TRIOBP: variants seen among roughly 807,000 people sequenced by gnomAD.
TRIOBP encodes the protein TRIO and F-actin-binding protein.
Under a neutral mutation model 238.8 loss-of-function variants are expected in TRIOBP, and 169 were observed. The observed-to-expected ratio is 0.71, with a 90% confidence interval of 0.62 to 0.80. The LOEUF (loss-of-function observed/expected upper bound fraction) is 0.80. TRIOBP is among the 30% of genes least tolerant of loss of function. The probability of loss-of-function intolerance (pLI) is 0.00; values close to 1 mark genes in which losing one functional copy is unlikely to be tolerated. For synonymous variants in TRIOBP, 1,150 were observed against 1,274.4 expected, an observed-to-expected ratio of 0.90 and a Z score of 2.08; for missense variants, 2,838 against 3,122.6, an observed-to-expected ratio of 0.91 and a Z score of 2.17.
At chr22:37,757,454 G>T (rs1925987348) in intron 15 of TRIOBP, among the ~76,000 whole-genome samples, 159 bp from the exon 16 acceptor site, 1 of 152,046 alleles carries the variant, frequency 6.6e-6, no homozygotes, top group African/African-American at 2.4e-5. Context: ...ATGTTCCTGG[G>T]GTCTGTTAAC....
intron 6 of TRIOBP, among the ~76,000 whole-genome samples, chr22:37,717,422 G>GC (rs1923580242): frequency 6.6e-6 from 1 of 152,280 alleles, no homozygotes; most frequent in East Asian, 1.9e-4. Flanking sequence ...CTCTTGTCTG[G>GC]CCCCACCCAC....
chr22:37,743,180 C>G (rs771373094), intron 11 of TRIOBP, among the ~76,000 whole-genome samples: 3 of 152,182 alleles, frequency 2.0e-5, no homozygotes, highest in Non-Finnish European at 4.4e-5. Flanking sequence ...AAATGAAGAG[C>G]TAGGGATGGA....
chr22:37,728,685 C>T (rs1924291666), intron 7 of TRIOBP, among the ~76,000 whole-genome samples: 1 of 152,192 alleles, frequency 6.6e-6, no homozygotes, highest in South Asian at 2.1e-4. Flanking sequence ...TTTCCAGCTC[C>T]TGGCCTCAAG....
chr22:37,723,808 T>A lies in TRIOBP; in HGVS notation c.1252T>A (p.Ser418Thr). Residue 418 changes from serine (S) to threonine (T), a missense_variant, in exon 7 of 24, where the codon TCC (serine) becomes ACC (threonine). By Grantham distance (58) the Ser-to-Thr change is moderately conservative (BLOSUM62 1). Coordinates refer to ENST00000644935, the MANE Select transcript of TRIOBP (RefSeq NM_001039141.3). Reference sequence around the variant, plus strand: ...GGACAATCCCAAAGCCTCCAGAACCTCCTCTCCCAATAGAGCCACACGAGA... The same window carrying A: ...GGACAATCCCAAAGCCTCCAGAACCACCTCTCCCAATAGAGCCACACGAGA... ...QRDNPKASRT[S>T]SPNRATRDNP... 3 of 1,591,866 alleles carry A rather than the reference T, an allele frequency of 1.9e-6. No individual in the cohort carries two copies.
At chr22:37,707,778 C>T (rs1163146468) in intron 3 of TRIOBP, among the ~76,000 whole-genome samples, 1 of 149,780 alleles carries the variant, frequency 6.7e-6, no homozygotes, top group Non-Finnish European at 1.5e-5. Context: ...CCCGTCTCTA[C>T]TAAAAATACA....
rs142230436 is a variant in TRIOBP, at chr22:37,757,031, C to T, written c.5688-582C>T. 1.1e-3 allele frequency among the ~76,000 whole-genome samples: 162 copies of T among 152,234 alleles called. 1 individual carries two copies. In the East Asian group the frequency reaches 0.026, roughly 24 times the overall value. ...CTCACATCCATCCTGTGAGAGGCGT[C>T]GCTGTCCCACATTACAGATGAGGTC... is the stretch of plus-strand genomic sequence containing the variant. On this transcript the variant is annotated intron_variant, in intron 15 of 23. Coordinates refer to ENST00000644935, the MANE Select transcript of TRIOBP (RefSeq NM_001039141.3).
intron 17 of TRIOBP, chr22:37,759,854 A>C: frequency 1.0e-6 from 1 of 1,001,638 alleles, no homozygotes; most frequent in Non-Finnish European, 1.3e-6. Flanking sequence ...TCTAGAAAAA[A>C]CGTGTGTGTG....
intron 11 of TRIOBP, among the ~76,000 whole-genome samples, chr22:37,747,154 C>G (rs1925325998): frequency 6.6e-6 from 1 of 152,160 alleles, no homozygotes; most frequent in South Asian, 2.1e-4. Context: ...AGCCTCACAG[C>G]TGGGTTCGCT....
intron 8 of TRIOBP, 140 bp downstream of exon 8, chr22:37,733,552 C>G (rs533850658): frequency 1.5e-6 from 1 of 677,906 alleles, no homozygotes; most frequent in South Asian, 1.7e-5. Flanking sequence ...GGATCCAGCT[C>G]TCCCCTCTCC....
intron 11 of TRIOBP, among the ~76,000 whole-genome samples, chr22:37,743,371 C>T (rs1481027997): frequency 6.6e-6 from 1 of 152,218 alleles, no homozygotes; most frequent in Non-Finnish European, 1.5e-5. Context: ...CGGTTTGAGA[C>T]TGGATAACCT....
chr22:37,771,257 T>G (rs1926760250), intron 21 of TRIOBP, among the ~76,000 whole-genome samples: 1 of 152,184 alleles, frequency 6.6e-6, no homozygotes, highest in Non-Finnish European at 1.5e-5. Context: ...TGTTTCCTCC[T>G]TGGTCAAGTC....
intron 6 of TRIOBP, among the ~76,000 whole-genome samples, chr22:37,717,093 T>C (rs2145825687): frequency 6.6e-6 from 1 of 152,250 alleles, no homozygotes; most frequent in East Asian, 1.9e-4. Flanking sequence ...TTCGGATGTG[T>C]TTGGAGTTTC....
At chr22:37,771,602 G>A in intron 21 of TRIOBP, 48 bp from the exon 22 acceptor site, 1 of 1,556,820 alleles carries the variant, frequency 6.4e-7, no homozygotes, top group Non-Finnish European at 8.9e-7. Flanking sequence ...ATGGGCCAGG[G>A]TAGCTCTGGC....
chr22:37,753,197 A>T (rs990925374), intron 12 of TRIOBP, among the ~76,000 whole-genome samples: 1 of 152,168 alleles, frequency 6.6e-6, no homozygotes, highest in African/African-American at 2.4e-5. Flanking sequence ...AAGGGCCATG[A>T]CAGCCATCCA....
rs376836597 is a variant in TRIOBP, at chr22:37,714,624, T to C, written c.457-1139T>C. On this transcript the variant is annotated intron_variant, in intron 5 of 23. Transcript: ENST00000644935. ...GTTGCAGTGAGCTTAGATTGCACCA[T>C]TGCACTCCAGCCTGGGCAACAAGAG... is the stretch of plus-strand genomic sequence containing the variant. Among the ~76,000 whole-genome samples, 32 of 151,972 alleles carry C rather than the reference T, an allele frequency of 2.1e-4. No individual in the cohort carries two copies. The South Asian group carries it at 6.7e-3, about 32-fold the overall frequency.
Position 37,701,392 on chromosome 22 carries a change from G to A in TRIOBP, c.27G>A (p.Leu9=). MEEVPGDA[L]CEHFEANILT... is the part of the protein sequence containing the mutation. The stretch of plus-strand genomic sequence containing the variant: ...TGGAGGAGGTGCCTGGGGATGCCCT[G>A]TGTGAACACTTTGAGGCCAACATAC... Residue 9 remains leucine, a synonymous_variant, in exon 3 of 24, where the codon CTG becomes CTA. Coordinates refer to ENST00000644935, the MANE Select transcript of TRIOBP (RefSeq NM_001039141.3). 6.2e-7 allele frequency: 1 copy of A among 1,613,732 alleles called. No homozygotes were observed. The highest frequency in any genetic ancestry group is 8.5e-7 in the Non-Finnish European group (1 of 1,179,912).
At chr22:37,719,699 G>C (rs1394901420) in intron 6 of TRIOBP, among the ~76,000 whole-genome samples, 1 of 151,962 alleles carries the variant, frequency 6.6e-6, no homozygotes, top group East Asian at 1.9e-4. Flanking sequence ...CCTCACTCCT[G>C]GTCTGCCTCC....
At chr22:37,729,871 G>T (rs1377119962) in intron 7 of TRIOBP, among the ~76,000 whole-genome samples, 1 of 152,210 alleles carries the variant, frequency 6.6e-6, no homozygotes, top group African/African-American at 2.4e-5. Context: ...CAGTGTGTGT[G>T]TAAGGGACAG....
intron 3 of TRIOBP, among the ~76,000 whole-genome samples, chr22:37,707,038 C>T (rs1261578800): frequency 1.3e-5 from 2 of 152,044 alleles, no homozygotes; most frequent in East Asian, 1.9e-4. Context: ...GAGGCCGAGG[C>T]GGGTGGATCA....
Sources: gnomAD v4.1 joint callset for allele counts (sites outside exome capture counted in the v4.1 genomes callset) on GRCh38, gnomAD v4.1.1 for gene constraint, MANE v1.5 for transcripts, NCBI Gene and HGNC (gene_info 2026-07-23, HGNC 2026-07-21) for gene names.